STPG2: variants seen among roughly 807,000 people sequenced by gnomAD.
STPG2 encodes the protein sperm-tail PG-rich repeat-containing protein 2.
In STPG2, 56 loss-of-function variants were observed where a neutral mutation model predicts 54.2. The observed-to-expected ratio is 1.03, with a 90% CI of 0.83 to 1.29. The LOEUF (loss-of-function observed/expected upper bound fraction) is 1.29. STPG2 is among the 50% of genes most tolerant of loss of function. STPG2 has a pLI of 0.00. For missense variants in STPG2, 596 were observed against 544.9 expected (o/e 1.09, Z -0.93); for synonymous variants, 200 against 181.8 (o/e 1.10, Z -0.81).
intron 8 of STPG2, among the ~76,000 whole-genome samples, chr4:97,938,629 C>A (rs1228230873): frequency 6.6e-6 from 1 of 152,150 alleles, no homozygotes; most frequent in Admixed American, 6.5e-5. Flanking sequence ...CTGTGGGTTG[C>A]ACAGATCTGT....
chr4:97,952,815 C>T (rs1463898429), intron 7 of STPG2, among the ~76,000 whole-genome samples: 1 of 152,110 alleles, frequency 6.6e-6, no homozygotes, highest in South Asian at 2.1e-4. Flanking sequence ...GGTTGGTAGC[C>T]AGAATGATAC....
At chr4:98,052,500 G>A (rs1321337058) in intron 5 of STPG2, among the ~76,000 whole-genome samples, 1 of 152,086 alleles carries the variant, frequency 6.6e-6, no homozygotes, top group Non-Finnish European at 1.5e-5. Context: ...CTCTGTCTAA[G>A]GATATACATA....
chr4:98,009,277 GT>G (rs1426578646), intron 5 of STPG2, among the ~76,000 whole-genome samples: 3 of 151,054 alleles, frequency 2.0e-5, no homozygotes, highest in Non-Finnish European at 3.0e-5. Flanking sequence ...TGATATGTTA[GT>G]TTTTTTCATT....
At chr4:97,765,441 C>T (rs1726013414) in intron 9 of STPG2, among the ~76,000 whole-genome samples, 1 of 151,916 alleles carries the variant, frequency 6.6e-6, no homozygotes, top group African/African-American at 2.4e-5. Flanking sequence ...ATTTTCCCAC[C>T]CCATCAATGA....
intron 4 of STPG2, among the ~76,000 whole-genome samples, chr4:97,496,156 A>G (rs1730607348): frequency 6.6e-6 from 1 of 151,746 alleles, no homozygotes; most frequent in Admixed American, 6.6e-5. Flanking sequence ...CCTTAAACCT[A>G]AAAACATCTT....
intron 8 of STPG2, among the ~76,000 whole-genome samples, chr4:97,904,697 T>G (rs1001744184): frequency 6.6e-6 from 1 of 152,132 alleles, no homozygotes; most frequent in South Asian, 2.1e-4. Context: ...GCAAAGAAGT[T>G]GAAAACTTTG....
chr4:97,847,281 T>A (rs1054958705), intron 8 of STPG2, among the ~76,000 whole-genome samples: 1 of 152,168 alleles, frequency 6.6e-6, no homozygotes, highest in Non-Finnish European at 1.5e-5. Flanking sequence ...ACTAAGGTCA[T>A]CCTTGCCATT....
intron 5 of STPG2, among the ~76,000 whole-genome samples, chr4:98,094,305 G>A (rs111236628): frequency 2.0e-5 from 3 of 152,280 alleles, no homozygotes; most frequent in African/African-American, 7.2e-5. Flanking sequence ...GCAAAGGCAT[G>A]ATTCATTACC....
chr4:97,979,461 T>C (rs938998975), intron 6 of STPG2, among the ~76,000 whole-genome samples: 6 of 152,180 alleles, frequency 3.9e-5, no homozygotes, highest in Non-Finnish European at 7.4e-5. Context: ...CTGATTATCC[T>C]ATATCTCTCC....
intron 8 of STPG2, among the ~76,000 whole-genome samples, chr4:97,923,003 T>C (rs1732166051): frequency 6.6e-6 from 1 of 152,244 alleles, no homozygotes; most frequent in Non-Finnish European, 1.5e-5. Context: ...ACCAAAGTCA[T>C]TTCAACTATA....
intron 4 of STPG2, among the ~76,000 whole-genome samples, chr4:97,451,603 T>A (rs1729366336): frequency 6.6e-6 from 1 of 152,142 alleles, no homozygotes; most frequent in Admixed American, 6.5e-5. Flanking sequence ...CATAGTGAAA[T>A]GTGCCAGAAA....
At chr4:98,019,504 T>C (rs939168325) in intron 5 of STPG2, among the ~76,000 whole-genome samples, 4 of 151,870 alleles carry the variant, frequency 2.6e-5, no homozygotes, top group Non-Finnish European at 4.4e-5. Context: ...ATGCGGGCTC[T>C]TTTTTGGTTC....
chr4:97,767,586 A>G (rs2149059313), intron 9 of STPG2, among the ~76,000 whole-genome samples: 1 of 152,274 alleles, frequency 6.6e-6, no homozygotes, highest in South Asian at 2.1e-4. Context: ...GCAGTTTGTT[A>G]TTCATATTTG....
intron 3 of STPG2, among the ~76,000 whole-genome samples, chr4:98,110,157 A>T (rs372801689): frequency 6.9e-6 from 1 of 145,240 alleles, no homozygotes; most frequent in African/African-American, 2.6e-5. Flanking sequence ...ACAGCCTGAC[A>T]TGAGCAGGGT....
intron 5 of STPG2, among the ~76,000 whole-genome samples, chr4:98,102,362 T>C (rs749371624): frequency 1.3e-5 from 2 of 152,178 alleles, no homozygotes; most frequent in African/African-American, 2.4e-5. Flanking sequence ...CCATATATTG[T>C]CCACGGCTCC....
At chr4:97,740,690 C>T (rs1725195043) in intron 9 of STPG2, among the ~76,000 whole-genome samples, 1 of 152,018 alleles carries the variant, frequency 6.6e-6, no homozygotes, top group African/African-American at 2.4e-5. Context: ...GAACTACAAA[C>T]CACTGCTCAA....
At chr4:97,879,476 C>A (rs1251646078) in intron 8 of STPG2, among the ~76,000 whole-genome samples, 1 of 152,086 alleles carries the variant, frequency 6.6e-6, no homozygotes, top group Non-Finnish European at 1.5e-5. Context: ...TACATGGCAG[C>A]AGACAAGAGA....
intron 7 of STPG2, among the ~76,000 whole-genome samples, chr4:97,952,447 T>C (rs1243860131): frequency 6.6e-6 from 1 of 152,176 alleles, no homozygotes; most frequent in African/African-American, 2.4e-5. Flanking sequence ...AGCTGGATTC[T>C]TTTGTCCCAT....
At chr4:97,496,527 G>A (rs1730614396) in intron 4 of STPG2, among the ~76,000 whole-genome samples, 1 of 151,720 alleles carries the variant, frequency 6.6e-6, no homozygotes, top group Admixed American at 6.6e-5. Context: ...GAGAATTACT[G>A]CACTGCCATG....
Sources: gnomAD v4.1 joint callset for allele counts (sites outside exome capture counted in the v4.1 genomes callset) on GRCh38, gnomAD v4.1.1 for gene constraint, MANE v1.5 for transcripts, NCBI Gene and HGNC (gene_info 2026-07-23, HGNC 2026-07-21) for gene names.